The following UCK2 variants were observed in gnomAD, a reference collection of about 807,000 sequenced individuals.
UCK2 encodes the protein uridine-cytidine kinase 2.
In UCK2, 6 loss-of-function variants were observed where a neutral mutation model predicts 30.8. The ratio of observed to expected loss-of-function variants is 0.19; its 90% confidence interval spans 0.11 to 0.38. UCK2 has a LOEUF of 0.38. Ranked by LOEUF, UCK2 falls within the 10% of genes least tolerant of loss-of-function variation. The pLI, the probability that UCK2 is intolerant of heterozygous loss-of-function variation, is 1.00. For missense variants in UCK2, 210 were observed against 339.8 expected (o/e 0.62, Z 3.00); for synonymous variants, 125 against 133.6 (o/e 0.94, Z 0.45).
intron 1 of UCK2, among the ~76,000 whole-genome samples, chr1:165,862,188 C>A (rs1014514156): frequency 9.9e-5 from 15 of 152,254 alleles, no homozygotes; most frequent in Non-Finnish European, 1.8e-4. Flanking sequence ...TCTCTGTTTT[C>A]CCTTTCTTTA....
Position 165,890,269 on chromosome 1 carries a change from G to A in UCK2, c.165G>A (p.Gln55=). 6.2e-7 allele frequency: 1 copy of A among 1,614,184 alleles called. No individual in the cohort carries two copies. Among genetic ancestry groups the A allele is most frequent in the Non-Finnish European group, 8.5e-7 (1 of 1,180,044 alleles). ...ATGAGGTGGACTATCGCCAGAAGCAGGTGGTCATCCTGAGCCAGGATAGCT... is the reference window on the plus strand; with the variant it reads ...ATGAGGTGGACTATCGCCAGAAGCAAGTGGTCATCCTGAGCCAGGATAGCT... The part of the protein sequence containing the change: ...GQNEVDYRQK[Q]VVILSQDSFY... The change falls in exon 2 of 7, where the codon CAG becomes CAA. Residue 55 remains glutamine, a synonymous_variant. Transcript: ENST00000367879.
chr1:165,848,659 C>CA lies in UCK2; in HGVS notation c.99+20727_99+20728insA, dbSNP rs1557834803. On this transcript the variant is annotated intron_variant, in intron 1 of 6. Transcript: ENST00000367879. ...CAAACAAAACACACACACACACACACCCACACACACACACACACCCCCAAA... is the reference window on the plus strand; with the variant it reads ...CAAACAAAACACACACACACACACACACCACACACACACACACACCCCCAAA... 3.0e-4 allele frequency among the ~76,000 whole-genome samples: 45 copies of CA among 150,868 alleles called. No individual in the cohort carries two copies. In the South Asian group the frequency reaches 7.4e-3, roughly 25 times the overall value.
At chr1:165,873,755 CT>C (rs1655260897) in intron 1 of UCK2, among the ~76,000 whole-genome samples, 1 of 152,164 alleles carries the variant, frequency 6.6e-6, no homozygotes, top group Non-Finnish European at 1.5e-5. Context: ...TGCTGCTTAT[CT>C]TTGGGCCTTA....
At chr1:165,850,894 T>C (rs1254535385) in intron 1 of UCK2, among the ~76,000 whole-genome samples, 2 of 151,384 alleles carry the variant, frequency 1.3e-5, no homozygotes, top group Non-Finnish European at 2.9e-5. Flanking sequence ...AGTGCTGGGA[T>C]TACAGGCGTG....
rs750928986 is a variant in UCK2 at position 165,890,208 on chromosome 1, C to G, written c.104C>G (p.Ser35Cys). ...VSGGTASGKS[S>C]VCAKIVQLLG... Reference sequence around the variant, plus strand: ...TGCTCTCTTCTCTCCTCACAGTCTTCCGTGTGTGCTAAGATCGTGCAGCTC... The same window carrying G: ...TGCTCTCTTCTCTCCTCACAGTCTTGCGTGTGTGCTAAGATCGTGCAGCTC... Residue 35 changes from serine to cysteine, a missense_variant, in exon 2 of 7, where the codon TCC (serine) becomes TGC (cysteine). Around this residue, in one of 4 missense-constraint regions of UCK2, gnomAD observed 75 missense variants for 124.7 expected, o/e 0.60. Coordinates refer to ENST00000367879, the MANE Select transcript of UCK2 (RefSeq NM_012474.5). 2 of 1,614,102 alleles carry G rather than the reference C, an allele frequency of 1.2e-6. No homozygotes were observed. Among genetic ancestry groups the G allele is most frequent in the Non-Finnish European group, 1.7e-6 (2 of 1,180,024 alleles).
At chr1:165,863,861 A>G (rs1654979758) in intron 1 of UCK2, among the ~76,000 whole-genome samples, 1 of 152,256 alleles carries the variant, frequency 6.6e-6, no homozygotes. Context: ...TGAAATTTAT[A>G]TAGAAAGCAT....
At chr1:165,843,178 A>G (rs899921108) in intron 1 of UCK2, among the ~76,000 whole-genome samples, 2 of 151,836 alleles carry the variant, frequency 1.3e-5, no homozygotes, top group African/African-American at 4.8e-5. Flanking sequence ...TGTGCCTAGA[A>G]TATTGTAGCT....
intron 1 of UCK2, among the ~76,000 whole-genome samples, chr1:165,846,794 TA>T (rs1654460652): frequency 6.6e-6 from 1 of 152,248 alleles, no homozygotes; most frequent in African/African-American, 2.4e-5. Flanking sequence ...TTTTTATTCC[TA>T]GTCCCAGAAA....
chr1:165,881,006 T>C (rs913638169), intron 1 of UCK2, among the ~76,000 whole-genome samples: 2 of 151,836 alleles, frequency 1.3e-5, no homozygotes, highest in African/African-American at 4.8e-5. Context: ...ACCCCGTCTC[T>C]ACTAAAAATA....
chr1:165,874,367 T>C (rs1655280241), intron 1 of UCK2, among the ~76,000 whole-genome samples: 2 of 152,096 alleles, frequency 1.3e-5, no homozygotes, highest in South Asian at 4.1e-4. Context: ...AAATGAGACA[T>C]AGGGTTTATT....
At chr1:165,902,294 G>C (rs910019146) in intron 4 of UCK2, among the ~76,000 whole-genome samples, 5 of 152,102 alleles carry the variant, frequency 3.3e-5, no homozygotes, top group Non-Finnish European at 5.9e-5. Context: ...TGTAGTCCCA[G>C]CTACTTGGGA....
chr1:165,906,373 T>G (rs1419997342), intron 6 of UCK2, among the ~76,000 whole-genome samples: 2 of 152,210 alleles, frequency 1.3e-5, no homozygotes, highest in East Asian at 3.8e-4. Flanking sequence ...ATTATTGTAC[T>G]TATTTTTCAT....
At chr1:165,896,474 GGCT>G in intron 4 of UCK2, 142 bp downstream of exon 4, 2 of 908,198 alleles carry the variant, frequency 2.2e-6, no homozygotes, top group South Asian at 3.2e-5. Flanking sequence ...GGTCCAGCCC[GGCT>G]GCGTCAGTCC....
At position 165,910,367 on chromosome 1, in the gene UCK2, T is replaced by C. The variant is rs1367261254; in HGVS notation, c.*2544T>C. On this transcript the variant is annotated 3_prime_UTR_variant, in exon 7 of 7. Transcript: ENST00000367879. ...GACATTTGCCATCTAGGTACTCTGC[T>C]GTTCAGGGTGGAGGCACAGATGAGC... The C allele has an allele frequency of 6.6e-6, 1 of 152,244 alleles. No homozygotes were observed. Among genetic ancestry groups the C allele is most frequent in the Non-Finnish European group, 1.5e-5 (1 of 68,074 alleles). The allele number at this position is 152,244 out of a possible 1,614,324, so 9.4% of individuals were successfully genotyped here. A position where few individuals can be genotyped will look rare whatever the true frequency, so the allele number is the denominator to read the frequency against.
chr1:165,894,554 C>G (rs1655844560), intron 3 of UCK2: 1 of 152,114 alleles, frequency 6.6e-6, no homozygotes, highest in African/African-American at 2.4e-5. Flanking sequence ...CTCATTAAAT[C>G]AGAGCTCCTT....
chr1:165,843,451 C>G (rs755160736), intron 1 of UCK2, among the ~76,000 whole-genome samples: 2 of 152,144 alleles, frequency 1.3e-5, no homozygotes, highest in Admixed American at 6.6e-5. Context: ...ATGGCACAGG[C>G]TTTTAACTTA....
At chr1:165,863,701 G>T (rs576692810) in intron 1 of UCK2, among the ~76,000 whole-genome samples, 3 of 152,156 alleles carry the variant, frequency 2.0e-5, no homozygotes, top group Non-Finnish European at 4.4e-5. Context: ...AATTAGTTTT[G>T]ATTTTACCTT....
At position 165,905,917 on chromosome 1, in the gene UCK2, A is replaced by G; in HGVS notation, c.598-4A>G. On this transcript the variant is annotated splice_polypyrimidine_tract_variant and splice_region_variant and intron_variant, in intron 5 of 6. Coordinates refer to ENST00000367879, the MANE Select transcript of UCK2 (RefSeq NM_012474.5). Reference sequence around the variant, plus strand: ...TAATGCATATTAACTGTCTTTCTCCACAGACAAAGAAGTATGCTGATGTGA... The same window carrying G: ...TAATGCATATTAACTGTCTTTCTCCGCAGACAAAGAAGTATGCTGATGTGA... The G allele has an allele frequency of 6.2e-7, 1 of 1,613,636 alleles. No homozygotes were observed. The highest frequency in any genetic ancestry group is 8.5e-7 in the Non-Finnish European group (1 of 1,179,610).
chr1:165,853,465 C>T (rs1654649548), intron 1 of UCK2, among the ~76,000 whole-genome samples: 3 of 151,494 alleles, frequency 2.0e-5, no homozygotes, highest in Non-Finnish European at 2.9e-5. Flanking sequence ...TCTGCTAAAT[C>T]TAGTGGGTTC....
Sources: gnomAD v4.1 joint callset for allele counts (sites outside exome capture counted in the v4.1 genomes callset) on GRCh38, gnomAD v4.1.1 for gene constraint, gnomAD v4.1.1 regional missense constraint, MANE v1.5 for transcripts, NCBI Gene and HGNC (gene_info 2026-07-23, HGNC 2026-07-21) for gene names.